Variants in NLRP9 observed in about 807,000 individuals in gnomAD.
The protein encoded by NLRP9 is NLR family pyrin domain containing 9.
In NLRP9, 88 loss-of-function variants were observed where a neutral mutation model predicts 83.1. That is an observed-to-expected ratio of 1.06 (90% CI 0.89 to 1.26). The LOEUF (loss-of-function observed/expected upper bound fraction) is 1.26, where lower values mean the gene tolerates loss of function less well. NLRP9 is among the 50% of genes most tolerant of loss of function. The pLI is 0.00. For synonymous variants in NLRP9, 521 were observed against 447.6 expected, an observed-to-expected ratio of 1.16 and a Z score of -2.07; for missense variants, 1,308 against 1,179.3, an observed-to-expected ratio of 1.11 and a Z score of -1.60.
chr19:55,721,756 G>A (rs866122685), intron 4 of NLRP9, among the ~76,000 whole-genome samples: 1 of 152,130 alleles, frequency 6.6e-6, no homozygotes, highest in Non-Finnish European at 1.5e-5. Context: ...ACAGGGGCGG[G>A]TCTTTCCCAG....
chr19:55,712,782 A>AGGGAGGAGGGAAGAAG (rs1173955554), intron 6 of NLRP9, among the ~76,000 whole-genome samples, 192 bp from the exon 7 acceptor site: 1 of 61,062 alleles, frequency 1.6e-5, no homozygotes, highest in African/African-American at 7.3e-5. Flanking sequence ...TGGGAGAATG[A>AGGGAGGAGGGAAGAAG]GGGAGGAGGG....
chr19:55,733,407 C>G lies in NLRP9; in HGVS notation c.424G>C (p.Ala142Pro), dbSNP rs1361130619. The G allele has an allele frequency of 6.2e-7, 1 of 1,614,126 alleles. No homozygotes were observed. The change falls in exon 2 of 9, where the codon GCG (alanine) becomes CCG (proline). Residue 142 changes from alanine to proline, a missense_variant. Transcript: ENST00000332836. ...YKELNDAYTA[A>P]ARRHTVVLEG... Reference sequence around the variant, plus strand: ...AGGACCACAGTGTGTCGTCTAGCCGCAGCAGTATATGCGTCATTCAATTCT... The same window carrying G: ...AGGACCACAGTGTGTCGTCTAGCCGGAGCAGTATATGCGTCATTCAATTCT...
chr19:55,727,957 T>C (rs1289944694), intron 3 of NLRP9, among the ~76,000 whole-genome samples: 3 of 152,094 alleles, frequency 2.0e-5, no homozygotes, highest in East Asian at 3.9e-4. Context: ...AAAAGGAACA[T>C]AGGAAAAATC....
intron 3 of NLRP9, among the ~76,000 whole-genome samples, chr19:55,725,887 G>T (rs11671412): frequency 0.11 from 16,872 of 152,014 alleles, 1,231 homozygotes; most frequent in Middle Eastern, 0.18. Context: ...TTAGCTGGGC[G>T]TGGTGGCGGG....
intron 1 of NLRP9, among the ~76,000 whole-genome samples, chr19:55,733,784 A>G (rs1409726228): frequency 6.6e-6 from 1 of 152,158 alleles, no homozygotes; most frequent in Non-Finnish European, 1.5e-5. Context: ...GATAAGAAAC[A>G]TTTTACAACC....
intron 4 of NLRP9, 81 bp from the exon 5 acceptor site, chr19:55,716,979 T>A: frequency 9.2e-7 from 1 of 1,083,158 alleles, no homozygotes; most frequent in Non-Finnish European, 1.4e-6. Context: ...AAACGACACC[T>A]CTGATTCTAG....
At chr19:55,713,586 CCCCTCCTCCTCCTCT>C (rs1364937163) in intron 6 of NLRP9, among the ~76,000 whole-genome samples, 1 of 142,682 alleles carries the variant, frequency 7.0e-6, no homozygotes, top group East Asian at 2.1e-4. Flanking sequence ...TCTCCCTCCT[CCCCTCCTCCTCCTCT>C]CCCTCCTCCC....
intron 2 of NLRP9, among the ~76,000 whole-genome samples, chr19:55,730,584 G>C (rs988339716): frequency 6.6e-6 from 1 of 152,192 alleles, no homozygotes; most frequent in Non-Finnish European, 1.5e-5. Flanking sequence ...GCCATGAAAA[G>C]GAACAAGATA....
At position 55,713,177 on chromosome 19, in the gene NLRP9, G is replaced by A. The variant is rs559971441; in HGVS notation, c.2502-587C>T. On this transcript the variant is annotated intron_variant, in intron 6 of 8. Transcript: ENST00000332836. ...ACCTCCTCCCCACCTTCAAATCCCT[G>A]TGCAAATGTCACCTTTTTGGTGAGC... Among the ~76,000 whole-genome samples the A allele has an allele frequency of 4.7e-5, 7 of 149,028 alleles. No homozygotes were observed. The South Asian group carries it at 1.5e-3, about 32-fold the overall frequency.
chr19:55,731,866 C>T (rs1022438857), intron 2 of NLRP9, 133 bp downstream of exon 2: 10 of 595,828 alleles, frequency 1.7e-5, no homozygotes, highest in Admixed American at 3.5e-5. Context: ...TGCCAAGGCT[C>T]GAAAGGAAGG....
In NLRP9 at chr19:55,732,459, A is replaced by C; in HGVS notation, c.1372T>G (p.Leu458Val). The C allele has an allele frequency of 1.9e-6, 3 of 1,614,232 alleles. No individual in the cohort carries two copies. Among genetic ancestry groups the C allele is most frequent in the Non-Finnish European group, 2.5e-6 (3 of 1,180,050 alleles). The change falls in exon 2 of 9, where the codon TTG (leucine) becomes GTG (valine). Residue 458 changes from leucine to valine, a missense_variant. Leu to Val is a conservative substitution (Grantham distance 32). Coordinates refer to ENST00000332836, the MANE Select transcript of NLRP9 (RefSeq NM_176820.4). ...GGATCGTCTTTGGGTCGTTTGAGCA[A>C]ATAAAACATGGCGGCACAAAACTCT... ...IQEFCAAMFY[L>V]LKRPKDDPNP...
In NLRP9 at chr19:55,732,792, C is replaced by A; in HGVS notation, c.1039G>T (p.Val347Leu). ...PFTCWLVCTC[V>L]KQRLERGEDL... The stretch of plus-strand genomic sequence containing the variant: ...TCTCCCCTCTCTAGCCTCTGTTTCA[C>A]ACAAGTACAGACCAACCAGCACGTA... The change falls in exon 2 of 9, where the codon GTG becomes TTG. Residue 347 changes from valine (V) to leucine (L), a missense_variant. By Grantham distance (32) the Val-to-Leu change is conservative. Coordinates refer to ENST00000332836, the MANE Select transcript of NLRP9 (RefSeq NM_176820.4). The A allele has an allele frequency of 1.2e-6, 2 of 1,614,176 alleles. No individual in the cohort carries two copies. Among genetic ancestry groups the A allele is most frequent in the South Asian group, 2.2e-5 (2 of 91,082 alleles).
Position 55,728,594 on chromosome 19 carries a change from C to G in NLRP9, c.1994+1237G>C, listed in dbSNP as rs112048825. On this transcript the variant is annotated intron_variant, in intron 3 of 8. Coordinates refer to ENST00000332836, the MANE Select transcript of NLRP9 (RefSeq NM_176820.4). Reference sequence around the variant, plus strand: ...TCTCAAAGCAACAACAACAACAAAACAAAAACAAACAAACAAAAAAGACAT... The same window carrying G: ...TCTCAAAGCAACAACAACAACAAAAGAAAAACAAACAAACAAAAAAGACAT... Among the ~76,000 whole-genome samples, 1,143 of 152,138 alleles carry G rather than the reference C, an allele frequency of 7.5e-3. 16 individuals carry two copies. Among genetic ancestry groups the G allele is most frequent in the African/African-American group, 0.027 (1,102 of 41,466 alleles).
In NLRP9 at chr19:55,732,883, T is replaced by A; in HGVS notation, c.948A>T (p.Lys316Asn). 1 of 1,614,046 alleles carries A rather than the reference T, an allele frequency of 6.2e-7. No homozygotes were observed. The highest frequency in any genetic ancestry group is 1.1e-5 in the South Asian group (1 of 91,016). ...YFSYFFGEKS[K>N]ALKVFNFVRD... is the part of the protein sequence containing the mutation. ...TCACAAAATTGAAGACTTTCAGGGC[T>A]TTGCTCTTCTCACCAAAGAAGTAGG... The change falls in exon 2 of 9, where the codon AAA becomes AAT. Residue 316 changes from lysine to asparagine, a missense_variant. Coordinates refer to ENST00000332836, the MANE Select transcript of NLRP9 (RefSeq NM_176820.4).
At position 55,732,392 on chromosome 19, in the gene NLRP9, C is replaced by G. The variant is rs142023566; in HGVS notation, c.1439G>C (p.Ser480Thr). Residue 480 changes from serine to threonine, a missense_variant, in exon 2 of 9, where the codon AGT becomes ACT. By Grantham distance (58) the Ser-to-Thr change is moderately conservative. Transcript: ENST00000332836. ...CAAGAGGGTTTGAGGCTGAACCACA[C>G]TTGCTCTTACAAGCTGGGTTATGCT... ...IGSITQLVRASVVQPQTLLTQ... is the reference protein window; with the variant it reads ...IGSITQLVRATVVQPQTLLTQ... The G allele has an allele frequency of 1.5e-5, 24 of 1,614,250 alleles. No individual in the cohort carries two copies. The highest frequency in any genetic ancestry group is 5.0e-5 in the Admixed American group (3 of 60,028).
intron 1 of NLRP9, among the ~76,000 whole-genome samples, chr19:55,734,516 TACAC>T (rs200706363): frequency 1.0e-5 from 1 of 98,570 alleles, no homozygotes; most frequent in African/African-American, 3.7e-5. Context: ...CACATATATA[TACAC>T]ACACACATAT....
At chr19:55,726,438 G>T (rs1988406127) in intron 3 of NLRP9, among the ~76,000 whole-genome samples, 1 of 152,278 alleles carries the variant, frequency 6.6e-6, no homozygotes, top group South Asian at 2.1e-4. Flanking sequence ...GCAGAAGCCT[G>T]GGCTCATTCC....
rs576585511 is a variant in NLRP9, at chr19:55,730,312, A to C, written c.1833-320T>G. Among the ~76,000 whole-genome samples the C allele has an allele frequency of 1.6e-4, 24 of 152,288 alleles. 1 individual carries two copies. The South Asian group carries it at 5.0e-3, about 32-fold the overall frequency. On this transcript the variant is annotated intron_variant, in intron 2 of 8. Coordinates refer to ENST00000332836, the MANE Select transcript of NLRP9 (RefSeq NM_176820.4). ...CTATTAAAAATTTAAAAAATTAGAC[A>C]GATGTGGTGGCATACACCTGTAGTC...
At chr19:55,723,661 G>GAGGTTGC (rs1475368185) in intron 4 of NLRP9, among the ~76,000 whole-genome samples, 16 of 149,152 alleles carry the variant, frequency 1.1e-4, no homozygotes, top group Admixed American at 3.4e-4. Flanking sequence ...CCGGGAAGCT[G>GAGGTTGC]AGGTTGCAGT....
Sources: allele counts gnomAD v4.1 joint callset (sites outside exome capture counted in the v4.1 genomes callset), GRCh38; gene constraint gnomAD v4.1.1; transcripts MANE v1.5; gene names NCBI Gene and HGNC (gene_info 2026-07-23, HGNC 2026-07-21).